Variants in DONSON observed in about 807,000 individuals in gnomAD.
The protein encoded by DONSON is protein downstream neighbor of Son.
In DONSON, 43 loss-of-function variants were observed where a neutral mutation model predicts 62.1. That is an observed-to-expected ratio of 0.69 (90% CI 0.54 to 0.89). The LOEUF (loss-of-function observed/expected upper bound fraction) is 0.89, where lower values mean the gene tolerates loss of function less well. Ranked by LOEUF, DONSON falls within the 40% of genes least tolerant of loss-of-function variation. The probability of loss-of-function intolerance (pLI) is 0.00; values close to 1 mark genes in which losing one functional copy is unlikely to be tolerated. For synonymous variants in DONSON, 266 were observed against 264.6 expected, an observed-to-expected ratio of 1.01 and a Z score of -0.05; for missense variants, 696 against 697.5, an observed-to-expected ratio of 1.00 and a Z score of 0.03.
intron 2 of DONSON, among the ~76,000 whole-genome samples, chr21:33,587,145 G>A (rs2086586338): frequency 6.6e-6 from 1 of 152,204 alleles, no homozygotes; most frequent in Non-Finnish European, 1.5e-5. Context: ...GGGGAGAGGA[G>A]CAACGAGGTT....
At chr21:33,581,004 G>A (rs184871550) in intron 8 of DONSON, among the ~76,000 whole-genome samples, 18 of 152,210 alleles carry the variant, frequency 1.2e-4, no homozygotes, top group African/African-American at 4.1e-4. Context: ...ACTTGAACCC[G>A]GGAGGCAGGG....
chr21:33,583,200 CAAA>C (rs552034893), intron 5 of DONSON, among the ~76,000 whole-genome samples: 182 of 58,916 alleles, frequency 3.1e-3, no homozygotes, highest in East Asian at 0.021. Flanking sequence ...GTCTCCATCT[CAAA>C]AAAAAAAAAA....
chr21:33,583,607 T>C lies in DONSON; in HGVS notation c.845A>G (p.Tyr282Cys). ...LLKTKLCPYF[Y>C]VCTYQFTVLF... ...GACAGTAAACTGATAGGTACAAACG[T>C]AGAAATAGGGGCAAAGTTTTGTCTT... Residue 282 changes from tyrosine (Y) to cysteine (C), a missense_variant, in exon 5 of 10, where the codon TAC becomes TGC. Transcript: ENST00000303071. 3 of 1,613,042 alleles carry C rather than the reference T, an allele frequency of 1.9e-6. No individual in the cohort carries two copies. Among genetic ancestry groups the C allele is most frequent in the Non-Finnish European group, 1.7e-6 (2 of 1,179,344 alleles).
rs186663238 is a variant in DONSON, at chr21:33,588,328, G to C, written c.314C>G (p.Pro105Arg). Reference protein sequence around the residue: ...DGPAREQPEAPVPFLDSNQEN... With the variant: ...DGPAREQPEARVPFLDSNQEN... ...AGGCTACAAGACACTCACCGGGACC[G>C]GGGCCTCCGGCTGCTCGCGGGCCGG... Residue 105 changes from proline to arginine, a missense_variant, in exon 1 of 10, where the codon CCG (proline) becomes CGG (arginine). By Grantham distance (103) the Pro-to-Arg change is moderately radical (BLOSUM62 -2). Coordinates refer to ENST00000303071, the MANE Select transcript of DONSON (RefSeq NM_017613.4). 0.027 allele frequency: 34,510 copies of C among 1,288,588 alleles called. 532 individuals carry two copies. Among genetic ancestry groups the C allele is most frequent in the Non-Finnish European group, 0.029 (29,411 of 1,022,094 alleles). 79.8% of individuals were successfully genotyped at this position (1,288,588 alleles called of 1,614,324 possible).
intron 8 of DONSON, among the ~76,000 whole-genome samples, chr21:33,580,456 T>G (rs1326228070): frequency 3.4e-4 from 22 of 63,868 alleles, no homozygotes; most frequent in Admixed American, 7.6e-4. Context: ...AGAGTGAGAT[T>G]CCACCTCAAA....
chr21:33,582,189 G>C lies in DONSON; in HGVS notation c.1022C>G (p.Ser341Cys). Reference protein sequence around the residue: ...KESGHKKETASGTSLGYGEEQ... With the variant: ...KESGHKKETACGTSLGYGEEQ... ...CTCCCCATATCCCAAGCTTGTTCCA[G>C]ATGCTGTCTCCTTCTTATGGCCACT... The change falls in exon 6 of 10, where the codon TCT (serine) becomes TGT (cysteine). Residue 341 changes from serine to cysteine, a missense_variant. Ser to Cys is a moderately radical substitution (Grantham distance 112). Transcript: ENST00000303071. The C allele has an allele frequency of 1.2e-6, 2 of 1,614,056 alleles. No homozygotes were observed. Among genetic ancestry groups the C allele is most frequent in the Non-Finnish European group, 1.7e-6 (2 of 1,179,984 alleles).
intron 7 of DONSON, 61 bp from the exon 8 acceptor site, chr21:33,581,561 T>G: frequency 7.0e-7 from 1 of 1,432,780 alleles, no homozygotes; most frequent in Admixed American, 1.9e-5. Flanking sequence ...AAAGCAGTTA[T>G]CTTGATTCTG....
chr21:33,583,163 T>C (rs1195390199), intron 5 of DONSON, among the ~76,000 whole-genome samples: 1 of 132,596 alleles, frequency 7.5e-6, no homozygotes, highest in Non-Finnish European at 1.5e-5. Flanking sequence ...ATTGCACCAC[T>C]GCATTCTAGC....
At chr21:33,584,068 G>A (rs1228019620) in intron 4 of DONSON, among the ~76,000 whole-genome samples, 9 of 133,836 alleles carry the variant, frequency 6.7e-5, no homozygotes, top group South Asian at 2.3e-4. Context: ...TTTTTGAGAC[G>A]GAGTTTCGCT....
At chr21:33,583,745 T>C (rs1312772928) in intron 4 of DONSON, 79 bp from the exon 5 acceptor site, 16 of 1,141,778 alleles carry the variant, frequency 1.4e-5, no homozygotes, top group Non-Finnish European at 1.9e-5. Context: ...TTCAGTTTGA[T>C]ACCTGGTTTA....
At chr21:33,583,183 A>G (rs1191962579) in intron 5 of DONSON, among the ~76,000 whole-genome samples, 1 of 132,328 alleles carries the variant, frequency 7.6e-6, no homozygotes, top group Non-Finnish European at 1.6e-5. Context: ...CCTGGGTGAC[A>G]GAGCGAGTCT....
rs758034238 is a variant in DONSON at position 33,578,349 on chromosome 21, C to T, written c.1659G>A (p.Arg553=). 1 of 1,614,040 alleles carries T rather than the reference C, an allele frequency of 6.2e-7. No homozygotes were observed. Among genetic ancestry groups the T allele is most frequent in the South Asian group, 1.1e-5 (1 of 91,076 alleles). The change falls in exon 10 of 10, where the codon CGG becomes CGA. Residue 553 remains arginine, a synonymous_variant. Transcript: ENST00000303071. ...QIPLLGKSSL[R]NVVLRDYIYN... The stretch of plus-strand genomic sequence containing the variant: ...AAATGTAGTCTCTCAGCACCACATT[C>T]CGTAAAGATGATTTCCCAAGTAACG...
Position 33,588,453 on chromosome 21 carries a change from G to T in DONSON, c.189C>A (p.Gly63=). 1 of 1,305,362 alleles carries T rather than the reference G, an allele frequency of 7.7e-7. No homozygotes were observed. Among genetic ancestry groups the T allele is most frequent in the Non-Finnish European group, 9.7e-7 (1 of 1,027,962 alleles). 80.9% of individuals were successfully genotyped at this position (1,305,362 alleles called of 1,614,324 possible). Residue 63 remains glycine, a synonymous_variant, in exon 1 of 10, where the codon GGC becomes GGA. Transcript: ENST00000303071. ...GGCCGCCGCCGCTGCCACCGCCTCT[G>T]CCCCCCGCAGCAGGGAAAGGGCGAA... ...LPLRPFPAAG[G]RGGGSGGGPA...
Position 33,584,784 on chromosome 21 carries a change from G to T in DONSON, c.607-16C>A. Reference sequence around the variant, plus strand: ...GTTTGGGATCCTAAAATCCAAAGGTGACAGTGGGCAGTTTTTGCCCATTGA... The same window carrying T: ...GTTTGGGATCCTAAAATCCAAAGGTTACAGTGGGCAGTTTTTGCCCATTGA... On this transcript the variant is annotated splice_polypyrimidine_tract_variant and intron_variant, in intron 3 of 9. Coordinates refer to ENST00000303071, the MANE Select transcript of DONSON (RefSeq NM_017613.4). The T allele has an allele frequency of 6.8e-7, 1 of 1,478,280 alleles. No individual in the cohort carries two copies. The highest frequency in any genetic ancestry group is 9.1e-7 in the Non-Finnish European group (1 of 1,103,208). The allele number at this position is 1,478,280 out of a possible 1,614,324, so 91.6% of individuals were successfully genotyped here.
In DONSON at chr21:33,582,636, C is replaced by A. The variant is rs541127943; in HGVS notation, c.965-390G>T. On this transcript the variant is annotated intron_variant, in intron 5 of 9. Coordinates refer to ENST00000303071, the MANE Select transcript of DONSON (RefSeq NM_017613.4). ...GTATATTCAGATAGTGACTATCTGG[C>A]CCAATATGTGTTTTATTTTAGAGAT... Among the ~76,000 whole-genome samples the A allele has an allele frequency of 1.4e-4, 21 of 152,204 alleles. No homozygotes were observed. The South Asian group carries it at 3.9e-3, about 29-fold the overall frequency.
In DONSON at chr21:33,583,587, T is replaced by A. The variant is rs776562020; in HGVS notation, c.865A>T (p.Thr289Ser). 2 of 1,614,032 alleles carry A rather than the reference T, an allele frequency of 1.2e-6. No individual in the cohort carries two copies. Among genetic ancestry groups the A allele is most frequent in the East Asian group, 4.5e-5 (2 of 44,854 alleles). Residue 289 changes from threonine (T) to serine (S), a missense_variant, in exon 5 of 10, where the codon ACT becomes TCT. Thr to Ser is a moderately conservative substitution (Grantham distance 58). Transcript: ENST00000303071. ...AATCCTGCTGCTCGGAACAGGACAG[T>A]AAACTGATAGGTACAAACGTAGAAA... ...PYFYVCTYQF[T>S]VLFRAAGLAG...
At position 33,588,218 on chromosome 21, in the gene DONSON, C is replaced by T. The variant is rs898024460; in HGVS notation, c.321+103G>A. The T allele has an allele frequency of 1.0e-5, 10 of 983,882 alleles. No homozygotes were observed. The African/African-American group carries it at 1.7e-4, about 17-fold the overall frequency. The allele number at this position is 983,882 out of a possible 1,614,324, so 60.9% of individuals were successfully genotyped here. A position where few individuals can be genotyped will look rare whatever the true frequency, so the allele number is the denominator to read the frequency against. ...CACGGGCGGCCGAAGTCTTCGCGCC[C>T]ATTTCCTTGCCTCGAACGCGAGGAC... On this transcript the variant is annotated intron_variant, in intron 1 of 9. Coordinates refer to ENST00000303071, the MANE Select transcript of DONSON (RefSeq NM_017613.4).
rs762873830 is a variant in DONSON at position 33,579,392 on chromosome 21, A to C, written c.1521T>G (p.Ala507=). 2 of 1,612,160 alleles carry C rather than the reference A, an allele frequency of 1.2e-6. No homozygotes were observed. Among genetic ancestry groups the C allele is most frequent in the African/African-American group, 2.7e-5 (2 of 74,908 alleles). The change falls in exon 9 of 10, where the codon GCT becomes GCG. Residue 507 remains alanine, a synonymous_variant. Coordinates refer to ENST00000303071, the MANE Select transcript of DONSON (RefSeq NM_017613.4). ...CCATTTGCAGGCAGATGTTAAATAC[A>C]GCAGTTGGCTCGTGTGGATACAGTA... ...SAVLYPHEPT[A]VFNICLQMDK...
Position 33,578,186 on chromosome 21 carries a change from C to G in DONSON, c.*121G>C. 1 of 1,040,786 alleles carries G rather than the reference C, an allele frequency of 9.6e-7. No individual in the cohort carries two copies. The highest frequency in any genetic ancestry group is 1.8e-5 in the South Asian group (1 of 55,194). The allele number at this position is 1,040,786 out of a possible 1,614,324, so 64.5% of individuals were successfully genotyped here. ...TAAAACACATTTAAAACCTTAGATGCTACTGTAGTAAAAGTTATGTTTATA... is the reference window on the plus strand; with the variant it reads ...TAAAACACATTTAAAACCTTAGATGGTACTGTAGTAAAAGTTATGTTTATA... On this transcript the variant is annotated 3_prime_UTR_variant, in exon 10 of 10. Transcript: ENST00000303071.
Sources: allele counts gnomAD v4.1 joint callset (sites outside exome capture counted in the v4.1 genomes callset), GRCh38; gene constraint gnomAD v4.1.1; transcripts MANE v1.5; gene names NCBI Gene and HGNC (gene_info 2026-07-23, HGNC 2026-07-21).